BRI3: variants seen among roughly 807,000 people sequenced by gnomAD.
BRI3 encodes the protein membrane protein BRI3.
BRI3 carries 6 observed loss-of-function variants against 12.8 expected under a neutral mutation model. The ratio of observed to expected loss-of-function variants is 0.47; its 90% CI spans 0.26 to 0.93. BRI3 has a LOEUF of 0.93. Among genes scored for constraint, BRI3 ranks in the 40% least tolerant of loss-of-function variants. BRI3 has a pLI of 0.15. For synonymous variants in BRI3, 91 were observed against 76.1 expected, an observed-to-expected ratio of 1.20 and a Z score of -1.02; for missense variants, 134 against 171.1, an observed-to-expected ratio of 0.78 and a Z score of 1.21.
At chr7:98,300,590 C>T (rs1426912065) in intron 1 of BRI3, among the ~76,000 whole-genome samples, 12 of 152,206 alleles carry the variant, frequency 7.9e-5, no homozygotes, top group African/African-American at 2.2e-4. Flanking sequence ...CCTTGGACAG[C>T]GGCTGCCATT....
chr7:98,315,927 G>A, the BRI3 span, among the ~76,000 whole-genome samples: 1 of 152,060 alleles, frequency 6.6e-6, no homozygotes, highest in African/African-American at 2.4e-5. Flanking sequence ...TTTGGAACCA[G>A]AAAGTTCCAG....
downstream of BRI3, chr7:98,311,975 C>T (rs1367885944): frequency 1.6e-5 from 16 of 1,025,904 alleles, no homozygotes; most frequent in Non-Finnish European, 2.0e-5. Flanking sequence ...GATAGAGGTG[C>T]GAAAAGGTGG....
intron 1 of BRI3, among the ~76,000 whole-genome samples, chr7:98,300,414 G>C (rs1212197867): frequency 6.6e-6 from 1 of 152,216 alleles, no homozygotes; most frequent in Non-Finnish European, 1.5e-5. Context: ...GCTGGATGCG[G>C]GTGACAGTTG....
At chr7:98,319,049 C>T in the BRI3 span, among the ~76,000 whole-genome samples, 4 of 152,214 alleles carry the variant, frequency 2.6e-5, no homozygotes, top group Non-Finnish European at 5.9e-5. Flanking sequence ...ACCTTAGCAG[C>T]TGTCCGGGTC....
rs921465893 is a variant in BRI3, at chr7:98,310,171, T to C, written n.2801T>C. The C allele has an allele frequency of 2.0e-5, 7 of 355,640 alleles. No homozygotes were observed. The Admixed American group carries it at 3.2e-4, about 16-fold the overall frequency. The allele number at this position is 355,640 out of a possible 1,614,324, so 22.0% of individuals were successfully genotyped here. A position where few individuals can be genotyped will look rare whatever the true frequency, so the allele number is the denominator to read the frequency against. The stretch of plus-strand genomic sequence containing the variant: ...TGGCCTCCATTTATTTGTAAATAGA[T>C]AATTCTCAACAGTATGTTTACTCTG... On this transcript the variant is annotated non_coding_transcript_exon_variant, in exon 2 of 2. Coordinates refer to the BRI3 transcript ENST00000485422.
At chr7:98,319,054 C>T in the BRI3 span, among the ~76,000 whole-genome samples, 5 of 152,170 alleles carry the variant, frequency 3.3e-5, no homozygotes, top group South Asian at 2.1e-4. Flanking sequence ...AGCAGCTGTC[C>T]GGGTCCTGTG....
At chr7:98,320,359 G>C in the BRI3 span, 14 of 1,332,176 alleles carry the variant, frequency 1.1e-5, no homozygotes, top group African/African-American at 5.9e-5. Context: ...TTTTGAAATG[G>C]AGTTTTTGCT....
Position 98,291,299 on chromosome 7 carries a change from T to C in BRI3, c.*56T>C. 6.2e-7 allele frequency: 1 copy of C among 1,603,902 alleles called. No individual in the cohort carries two copies. The highest frequency in any genetic ancestry group is 1.7e-5 in the Admixed American group (1 of 59,080). On this transcript the variant is annotated 3_prime_UTR_variant, in exon 3 of 3. Coordinates refer to ENST00000297290, the MANE Select transcript of BRI3 (RefSeq NM_015379.5). ...CAGCTCTCTTTTTCTAATGTAAATG[T>C]TGTGTACAATAATTTTATTTGATTA...
At chr7:98,317,281 T>G in the BRI3 span, 2 of 1,614,274 alleles carry the variant, frequency 1.2e-6, no homozygotes, top group Admixed American at 3.3e-5. Context: ...CTTCTGATCT[T>G]CTTCAACTCA....
chr7:98,314,068 C>G (rs988903756), downstream of BRI3, among the ~76,000 whole-genome samples: 1 of 149,800 alleles, frequency 6.7e-6, no homozygotes, highest in African/African-American at 2.5e-5. Flanking sequence ...TCACTGCAAC[C>G]TCAGCCTCCT....
downstream of BRI3, among the ~76,000 whole-genome samples, chr7:98,312,641 T>G (rs1800913805): frequency 6.6e-6 from 1 of 152,174 alleles, no homozygotes; most frequent in African/African-American, 2.4e-5. Context: ...CTCCCACTCC[T>G]ACTAAAAGCA....
chr7:98,321,286 T>A, the BRI3 span, among the ~76,000 whole-genome samples: 4 of 152,266 alleles, frequency 2.6e-5, no homozygotes, highest in African/African-American at 9.6e-5. Flanking sequence ...TAAAAAATGA[T>A]TTATTTTTAT....
chr7:98,311,594 A>T (rs1309461163), downstream of BRI3, among the ~76,000 whole-genome samples: 33 of 151,014 alleles, frequency 2.2e-4, no homozygotes. Flanking sequence ...CAAAACAAAG[A>T]TAATAGCGCC....
upstream of BRI3, among the ~76,000 whole-genome samples, chr7:98,305,531 C>T (rs895190496): frequency 1.3e-5 from 2 of 152,018 alleles, no homozygotes; most frequent in Non-Finnish European, 2.9e-5. Context: ...TCGATCCTCC[C>T]GCCTCAGCCT....
the BRI3 span, among the ~76,000 whole-genome samples, chr7:98,316,049 C>G: frequency 4.6e-5 from 7 of 152,076 alleles, no homozygotes; most frequent in African/African-American, 1.7e-4. Context: ...TGGGGAGGGA[C>G]CTGGTGGGAG....
chr7:98,318,595 C>T, the BRI3 span, among the ~76,000 whole-genome samples: 143 of 151,030 alleles, frequency 9.5e-4, 3 homozygotes, highest in South Asian at 0.026. Flanking sequence ...GGGTCTTAAA[C>T]GGACCCGCGT....
downstream of BRI3, among the ~76,000 whole-genome samples, chr7:98,312,588 C>T (rs1031429860): frequency 3.3e-5 from 5 of 152,152 alleles, no homozygotes; most frequent in African/African-American, 4.8e-5. Flanking sequence ...GTATGAATCC[C>T]GTTTTCCAGG....
rs751704941 is a variant in BRI3, at chr7:98,281,821, A to G, written c.26A>G (p.Glu9Gly). The G allele has an allele frequency of 6.1e-5, 76 of 1,255,408 alleles. No individual in the cohort carries two copies. The Middle Eastern group carries it at 1.2e-3, about 20-fold the overall frequency. 77.8% of individuals were successfully genotyped at this position (1,255,408 alleles called of 1,614,324 possible). A position where few individuals can be genotyped will look rare whatever the true frequency, so the allele number is the denominator to read the frequency against. The change falls in exon 1 of 3, where the codon GAG (glutamate) becomes GGG (glycine). Residue 9 changes from glutamate to glycine, a missense_variant. Coordinates refer to ENST00000297290, the MANE Select transcript of BRI3 (RefSeq NM_015379.5). Reference protein sequence around the residue: MDHKPLLQERPPAYNLEAG... With the variant: MDHKPLLQGRPPAYNLEAG... ...ATGGACCACAAGCCGCTGCTGCAGG[A>G]GCGGCCGCCCGCCTACAACCTGGAG...
chr7:98,300,368 G>A (rs1013753381), intron 1 of BRI3, among the ~76,000 whole-genome samples: 28 of 152,350 alleles, frequency 1.8e-4, no homozygotes, highest in East Asian at 1.9e-4. Flanking sequence ...TGGATGAAAC[G>A]TGGTCACTTG....
Sources: gnomAD v4.1 joint callset for allele counts (sites outside exome capture counted in the v4.1 genomes callset) on GRCh38, gnomAD v4.1.1 for gene constraint, MANE v1.5 for transcripts, NCBI Gene and HGNC (gene_info 2026-07-23, HGNC 2026-07-21) for gene names.